The following POM121 variants were observed in gnomAD, a reference collection of about 807,000 sequenced individuals.
The protein encoded by POM121 is POM121 transmembrane nucleoporin.
In POM121, 32 loss-of-function variants were observed where a neutral mutation model predicts 81.3. The ratio of observed to expected loss-of-function variants is 0.39; its 90% CI spans 0.30 to 0.53. The LOEUF is 0.53. Among genes scored for constraint, POM121 ranks in the 20% least tolerant of loss-of-function variants. The pLI is 0.66. For missense variants in POM121, 1,138 were observed against 1,614.6 expected, an observed-to-expected ratio of 0.70 and a Z score of 5.06; for synonymous variants, 514 against 694.2, an observed-to-expected ratio of 0.74 and a Z score of 4.08.
At chr7:72,897,745 G>A (rs1792108229) in intron 3 of POM121, among the ~76,000 whole-genome samples, 1 of 152,188 alleles carries the variant, frequency 6.6e-6, no homozygotes, top group South Asian at 2.1e-4. Context: ...ACCTGGCCAG[G>A]TGTGGTGGCT....
upstream of POM121, among the ~76,000 whole-genome samples, chr7:72,920,546 G>A (rs1794717379): frequency 6.6e-6 from 1 of 151,854 alleles, no homozygotes; most frequent in Admixed American, 6.6e-5. Flanking sequence ...AGTAGAGACG[G>A]GGTTTCACCA....
downstream of POM121, chr7:72,949,862 G>A (rs375120797): frequency 4.8e-5 from 76 of 1,584,782 alleles, no homozygotes; most frequent in Non-Finnish European, 6.2e-5. Context: ...TTCTTCAGAA[G>A]AGCAGCCAAG....
At position 72,925,130 on chromosome 7, in the gene POM121, G is replaced by A; in HGVS notation, c.9G>A (p.Pro3=). 7.0e-7 allele frequency: 1 copy of A among 1,432,528 alleles called. No individual in the cohort carries two copies. Among genetic ancestry groups the A allele is most frequent in the Non-Finnish European group, 9.0e-7 (1 of 1,106,282 alleles). 88.7% of individuals were successfully genotyped at this position (1,432,528 alleles called of 1,614,324 possible). A position where few individuals can be genotyped will look rare whatever the true frequency, so the allele number is the denominator to read the frequency against. The change falls in exon 1 of 13, where the codon CCG becomes CCA. Residue 3 remains proline (P), a synonymous_variant. Transcript: ENST00000434423. The part of the protein sequence containing the change: MS[P]AAAAAGAGER... The stretch of plus-strand genomic sequence containing the variant: ...CGCGGCGCGGAGCCGCGATGTCTCC[G>A]GCGGCTGCGGCGGCTGGAGCAGGCG...
chr7:72,950,000 C>T (rs112265335), downstream of POM121: 9,262 of 1,551,746 alleles, frequency 6.0e-3, 55 homozygotes, highest in Non-Finnish European at 6.3e-3. Flanking sequence ...AACAGAGACC[C>T]CAGGCTAGGC....
At chr7:72,912,986 G>C (rs1365336557) in intron 3 of POM121, among the ~76,000 whole-genome samples, 1 of 152,068 alleles carries the variant, frequency 6.6e-6, no homozygotes, top group Non-Finnish European at 1.5e-5. Flanking sequence ...TCATCATCAG[G>C]TCCCTACTTA....
chr7:72,906,412 G>C (rs1793242154), intron 3 of POM121, among the ~76,000 whole-genome samples: 1 of 152,220 alleles, frequency 6.6e-6, no homozygotes, highest in Non-Finnish European at 1.5e-5. Flanking sequence ...ATTGGGGAGT[G>C]TTGGCTGGTT....
At position 72,925,110 on chromosome 7, in the gene POM121, C is replaced by T. The variant is rs1411462515; in HGVS notation, c.-12C>T. ...TGGGATATTTAAGTCTCCTCCGCGG[C>T]GCGGAGCCGCGATGTCTCCGGCGGC... On this transcript the variant is annotated 5_prime_UTR_variant, in exon 1 of 13. Transcript: ENST00000434423. 10 of 1,401,670 alleles carry T rather than the reference C, an allele frequency of 7.1e-6. No homozygotes were observed. The highest frequency in any genetic ancestry group is 3.1e-5 in the African/African-American group (2 of 65,562). 86.8% of individuals were successfully genotyped at this position (1,401,670 alleles called of 1,614,324 possible).
chr7:72,913,789 C>G (rs1404856930), exon 4 of POM121: 4 of 152,226 alleles, frequency 2.6e-5, no homozygotes, highest in African/African-American at 4.8e-5. Flanking sequence ...AGCCGAAGAT[C>G]TCACTTCCTC....
In POM121 at chr7:72,925,576, C is replaced by T. The variant is rs1250760499; in HGVS notation, c.455C>T (p.Ala152Val). 7 of 1,531,540 alleles carry T rather than the reference C, an allele frequency of 4.6e-6. No homozygotes were observed. Among genetic ancestry groups the T allele is most frequent in the East Asian group, 2.4e-5 (1 of 40,840 alleles). 94.9% of individuals were successfully genotyped at this position (1,531,540 alleles called of 1,614,324 possible). Residue 152 changes from alanine to valine, a missense_variant, in exon 1 of 13, where the codon GCT becomes GTT. Coordinates refer to ENST00000434423, the MANE Select transcript of POM121 (RefSeq NM_001387691.1). ...CCCGGGCCGCCGCAGCCCGCCGCCG[C>T]TCCGGAGGGCCAGGACCTGCGGGAT... The part of the protein sequence containing the change: ...GKPGPPQPAA[A>V]PEGQDLRDRP...
At chr7:72,919,019 T>TTG (rs1794554989) in intron 4 of POM121, among the ~76,000 whole-genome samples, 1 of 152,102 alleles carries the variant, frequency 6.6e-6, no homozygotes, top group Non-Finnish European at 1.5e-5. Flanking sequence ...CAGGATGGTC[T>TTG]CGATCTCCTG....
At chr7:72,888,372 C>T (rs1468956682) in intron 1 of POM121, among the ~76,000 whole-genome samples, 3 of 151,942 alleles carry the variant, frequency 2.0e-5, no homozygotes, top group Admixed American at 6.6e-5. Flanking sequence ...CTAATTTTGT[C>T]GTTGTTTTTG....
intron 5 of POM121, among the ~76,000 whole-genome samples, chr7:72,932,323 C>G (rs1440111080): frequency 2.0e-5 from 3 of 151,664 alleles, no homozygotes; most frequent in Admixed American, 2.0e-4. Context: ...CCGCCACCTT[C>G]TAACATTTAA....
intron 4 of POM121, among the ~76,000 whole-genome samples, chr7:72,919,743 G>A (rs1554495649): frequency 6.6e-6 from 1 of 152,110 alleles, no homozygotes; most frequent in African/African-American, 2.4e-5. Context: ...CAGCCTTAAA[G>A]TGTCTTCCAG....
chr7:72,886,126 A>G (rs1440256843), intron 1 of POM121, among the ~76,000 whole-genome samples: 17 of 151,902 alleles, frequency 1.1e-4, no homozygotes, highest in Admixed American at 9.2e-4. Context: ...GCCACACACT[A>G]TCTATTACGT....
intron 4 of POM121, among the ~76,000 whole-genome samples, chr7:72,919,282 C>G (rs566496015): frequency 3.5e-4 from 51 of 145,082 alleles, no homozygotes; most frequent in African/African-American, 1.3e-3. Flanking sequence ...TGCCCTTTTG[C>G]TGATATCATT....
At chr7:72,897,528 G>T (rs1792087828) in intron 3 of POM121, among the ~76,000 whole-genome samples, 1 of 152,160 alleles carries the variant, frequency 6.6e-6, no homozygotes, top group African/African-American at 2.4e-5. Flanking sequence ...ATCTTTGCAG[G>T]TTGAACAGAG....
intron 3 of POM121, among the ~76,000 whole-genome samples, chr7:72,894,670 A>AT (rs1791737873): frequency 1.3e-5 from 2 of 149,016 alleles, no homozygotes; most frequent in African/African-American, 2.5e-5. Flanking sequence ...AGAGAGAGAG[A>AT]GAGAGAGAGA....
downstream of POM121, chr7:72,949,049 G>A (rs141256152): frequency 1.0e-4 from 161 of 1,613,242 alleles, no homozygotes; most frequent in Non-Finnish European, 1.2e-4. Context: ...GCATGCAGAC[G>A]CACCGGGCTA....
At position 72,907,337 on chromosome 7, in the gene POM121, G is replaced by A. The variant is rs1793345830; in HGVS notation, c.-215-6428G>A. Among the ~76,000 whole-genome samples, 4 of 151,876 alleles carry A rather than the reference G, an allele frequency of 2.6e-5. No individual in the cohort carries two copies. In the South Asian group the frequency reaches 8.3e-4, roughly 32 times the overall value. ...CTTGAATATCACCTCTACATATGTT[G>A]AGAACCACGTGAGATAATGTTATGA... On this transcript the variant is annotated intron_variant, in intron 3 of 15. Coordinates refer to the POM121 transcript ENST00000395270.
Sources: allele counts gnomAD v4.1 joint callset (sites outside exome capture counted in the v4.1 genomes callset), GRCh38; gene constraint gnomAD v4.1.1; transcripts MANE v1.5; gene names NCBI Gene and HGNC (gene_info 2026-07-23, HGNC 2026-07-21).